DNM2: variants seen among roughly 807,000 people sequenced by gnomAD.
DNM2 encodes the protein dynamin-2.
A neutral mutation model predicts 99.0 loss-of-function variants in DNM2; 15 were observed. The observed-to-expected ratio is 0.15, with a 90% CI of 0.10 to 0.23. The LOEUF is 0.23. Ranked by LOEUF, DNM2 falls within the 10% of genes least tolerant of loss-of-function variation. The pLI, the probability that DNM2 is intolerant of heterozygous loss-of-function variation, is 1.00. For missense variants in DNM2, 742 were observed against 1,189.4 expected, an observed-to-expected ratio of 0.62 and a Z score of 5.53; for synonymous variants, 525 against 481.2, an observed-to-expected ratio of 1.09 and a Z score of -1.19.
intron 7 of DNM2, among the ~76,000 whole-genome samples, chr19:10,789,783 A>G (rs919604085): frequency 4.6e-5 from 7 of 152,200 alleles, no homozygotes; most frequent in Admixed American, 1.3e-4. Flanking sequence ...GCAGTGAGCC[A>G]GGATCACACC....
intron 1 of DNM2, among the ~76,000 whole-genome samples, chr19:10,739,586 G>A (rs1473220950): frequency 6.6e-6 from 1 of 152,132 alleles, no homozygotes; most frequent in Non-Finnish European, 1.5e-5. Context: ...TGGGTGCAGT[G>A]GCGCACGCCT....
chr19:10,733,337 G>GC (rs1466082965), intron 1 of DNM2, among the ~76,000 whole-genome samples: 1 of 151,146 alleles, frequency 6.6e-6, no homozygotes, highest in Non-Finnish European at 1.5e-5. Context: ...GACCACAGGC[G>GC]CGCACCACAA....
Position 10,774,503 on chromosome 19 carries a change from C to T in DNM2, c.386-1200C>T, listed in dbSNP as rs1203229985. On this transcript the variant is annotated intron_variant, in intron 3 of 20. Transcript: ENST00000389253. ...GTGCAATGGTGCAATCTTGGCTTAC[C>T]GCAACCTCCACCTCCCGGGTTCAAG... Among the ~76,000 whole-genome samples, 4 of 151,856 alleles carry T rather than the reference C, an allele frequency of 2.6e-5. 1 individual carries two copies. The highest frequency in any genetic ancestry group is 4.2e-4 in the South Asian group (2 of 4,814).
chr19:10,746,981 C>A (rs911652547), intron 1 of DNM2, among the ~76,000 whole-genome samples: 1 of 151,754 alleles, frequency 6.6e-6, no homozygotes, highest in Admixed American at 6.6e-5. Context: ...GGGTGATCTG[C>A]CCGCCTCGGC....
intron 8 of DNM2, among the ~76,000 whole-genome samples, chr19:10,794,173 G>T (rs1328412267): frequency 6.6e-6 from 1 of 152,100 alleles, no homozygotes; most frequent in Non-Finnish European, 1.5e-5. Context: ...ATTGAAGAAG[G>T]AAAAAATAGG....
At chr19:10,798,696 C>T (rs572236424) in intron 11 of DNM2, 124 bp downstream of exon 11, 22 of 972,488 alleles carry the variant, frequency 2.3e-5, no homozygotes, top group Admixed American at 2.2e-4. Flanking sequence ...AGATACAGAG[C>T]GGTTCCGTCA....
At chr19:10,724,769 CTTTGA>C (rs2069058435) in intron 1 of DNM2, among the ~76,000 whole-genome samples, 1 of 152,200 alleles carries the variant, frequency 6.6e-6, no homozygotes, top group South Asian at 2.1e-4. Flanking sequence ...GGGCTCTCTC[CTTTGA>C]TTTCCAGCTT....
intron 1 of DNM2, among the ~76,000 whole-genome samples, chr19:10,739,846 ACTCT>A (rs150921030): frequency 8.3e-6 from 1 of 120,386 alleles, no homozygotes; most frequent in South Asian, 2.7e-4. Context: ...ACAGAGCAAG[ACTCT>A]CTCTCTCTCT....
Position 10,796,349 on chromosome 19 carries a change from CTGGGG to C in DNM2, c.1196+911_1196+915del. ...CGTGAACTTGGCCTCTCCCCAGAGG[CTGGGG>C]CAGGAGCATGTAGGCCTGGGCCCAG... On this transcript the variant is annotated intron_variant, in intron 9 of 20. Transcript: ENST00000389253. This position sits in a 1 kb window ranked among gnomAD's most constrained non-coding sequence, Gnocchi z 5.6. The C allele has an allele frequency of 2.4e-6, 3 of 1,252,030 alleles. No homozygotes were observed. The highest frequency in any genetic ancestry group is 3.4e-6 in the Non-Finnish European group (3 of 878,880). The allele number at this position is 1,252,030 out of a possible 1,614,324, so 77.6% of individuals were successfully genotyped here. A position where few individuals can be genotyped will look rare whatever the true frequency, so the allele number is the denominator to read the frequency against.
chr19:10,802,531 A>G, intron 12 of DNM2, 173 bp downstream of exon 12: 1 of 747,384 alleles, frequency 1.3e-6, no homozygotes, highest in Non-Finnish European at 2.3e-6. Context: ...CTGGGCTGAT[A>G]GTGGTCCACT....
intron 6 of DNM2, among the ~76,000 whole-genome samples, chr19:10,783,734 T>C (rs1407965462): frequency 6.6e-6 from 1 of 150,982 alleles, no homozygotes; most frequent in Non-Finnish European, 1.5e-5. Flanking sequence ...ACAGTCTCAC[T>C]CTGTCACCTA....
In DNM2 at chr19:10,796,298, CT is replaced by C; in HGVS notation, c.1196+863del. The C allele has an allele frequency of 6.4e-7, 1 of 1,557,624 alleles. No homozygotes were observed. Among genetic ancestry groups the C allele is most frequent in the Non-Finnish European group, 8.8e-7 (1 of 1,133,846 alleles). On this transcript the variant is annotated intron_variant, in intron 9 of 20. Coordinates refer to ENST00000389253, the MANE Select transcript of DNM2 (RefSeq NM_001005361.3). The surrounding 1 kb of genome is among the most constrained non-coding windows in gnomAD (Gnocchi z 5.6). The stretch of plus-strand genomic sequence containing the variant: ...GCGCCTCATTGGCCCCCACTGGTGC[CT>C]TTTCTCCCCATATCGCTTTGTGTCC...
At chr19:10,797,236 G>A in intron 9 of DNM2, 144 bp from the exon 10 acceptor site, 1 of 1,253,672 alleles carries the variant, frequency 8.0e-7, no homozygotes, top group Non-Finnish European at 1.1e-6. Context: ...AGCTTCCGGG[G>A]CAAATGCGGG....
In DNM2 at chr19:10,796,011, T is replaced by G. The variant is rs1246758684; in HGVS notation, c.1196+572T>G. The stretch of plus-strand genomic sequence containing the variant: ...GGCCAATGAAATTGCTGACCATGCT[T>G]TGTTTCTCTCTGACTTATCTCCCCT... On this transcript the variant is annotated intron_variant, in intron 9 of 20. Transcript: ENST00000389253. The surrounding 1 kb of genome is among the most constrained non-coding windows in gnomAD (Gnocchi z 5.6). 2.5e-6 allele frequency: 4 copies of G among 1,611,498 alleles called. No homozygotes were observed. The African/African-American group carries it at 5.3e-5, about 22-fold the overall frequency.
chr19:10,814,272 C>G (rs2072658052), intron 15 of DNM2, among the ~76,000 whole-genome samples: 1 of 152,182 alleles, frequency 6.6e-6, no homozygotes, highest in African/African-American at 2.4e-5. Flanking sequence ...CGAGACCAGC[C>G]TGACCAACAT....
rs754264521 is a variant in DNM2 at position 10,825,152 on chromosome 19, C to T, written c.1989C>T (p.Tyr663=). The change falls in exon 18 of 21, where the codon TAC becomes TAT. Residue 663 remains tyrosine (Y), a synonymous_variant. Coordinates refer to ENST00000389253, the MANE Select transcript of DNM2 (RefSeq NM_001005361.3). ...VETIRNLVDS[Y]VAIINKSIRD... Reference sequence around the variant, plus strand: ...CCATTCGCAACCTGGTGGACTCATACGTGGCCATCATCAACAAGTCCATCC... The same window carrying T: ...CCATTCGCAACCTGGTGGACTCATATGTGGCCATCATCAACAAGTCCATCC... The T allele has an allele frequency of 1.2e-5, 19 of 1,614,120 alleles. No individual in the cohort carries two copies. The highest frequency in any genetic ancestry group is 4.0e-5 in the African/African-American group (3 of 74,946).
rs1159088579 is a variant in DNM2, at chr19:10,786,349, G to A, written c.850-215G>A. On this transcript the variant is annotated intron_variant, in intron 6 of 20. Transcript: ENST00000389253. ...ATGTCGGCCCCGTGGGCTGTTTGTA[G>A]CCTCTTACACTCATGGGCAGCTCCG... 4 of 745,616 alleles carry A rather than the reference G, an allele frequency of 5.4e-6. No homozygotes were observed. In the African/African-American group the frequency reaches 6.9e-5, roughly 13 times the overall value. The allele number at this position is 745,616 out of a possible 1,614,324, so 46.2% of individuals were successfully genotyped here.
intron 1 of DNM2, among the ~76,000 whole-genome samples, chr19:10,748,610 G>A (rs1296073576): frequency 6.6e-6 from 1 of 152,208 alleles, no homozygotes; most frequent in African/African-American, 2.4e-5. Context: ...CAGAGCGACA[G>A]AGAAGCCCCT....
chr19:10,745,259 T>C (rs773409724), intron 1 of DNM2, among the ~76,000 whole-genome samples: 4 of 152,212 alleles, frequency 2.6e-5, no homozygotes, highest in Non-Finnish European at 5.9e-5. Flanking sequence ...AAGATTGATT[T>C]AGCCAGTTCC....
Sources: gnomAD v4.1 joint callset for allele counts (sites outside exome capture counted in the v4.1 genomes callset) on GRCh38, gnomAD v4.1.1 for gene constraint, Gnocchi (gnomAD v3.1) non-coding constraint, MANE v1.5 for transcripts, NCBI Gene and HGNC (gene_info 2026-07-23, HGNC 2026-07-21) for gene names.